RFX3: variants seen among roughly 807,000 people sequenced by gnomAD.
RFX3 encodes the protein regulatory factor X3.
Under a neutral mutation model 98.6 loss-of-function variants are expected in RFX3, and 14 were observed. The observed-to-expected ratio is 0.14, with a 90% confidence interval of 0.09 to 0.22. The LOEUF (loss-of-function observed/expected upper bound fraction) is 0.22, where lower values mean the gene tolerates loss of function less well. Ranked by LOEUF, RFX3 falls within the 10% of genes least tolerant of loss-of-function variation. RFX3 has a pLI of 1.00. For missense variants in RFX3, 639 were observed against 926.9 expected, an observed-to-expected ratio of 0.69 and a Z score of 4.03; for synonymous variants, 383 against 328.4, an observed-to-expected ratio of 1.17 and a Z score of -1.80.
At chr9:3,508,893 T>C (rs956998852) in intron 1 of RFX3, among the ~76,000 whole-genome samples, 1 of 151,888 alleles carries the variant, frequency 6.6e-6, no homozygotes, top group Non-Finnish European at 1.5e-5. Context: ...TGCTCATCTT[T>C]AGCACAATAC....
intron 14 of RFX3, among the ~76,000 whole-genome samples, chr9:3,254,662 C>T (rs1202746798): frequency 1.3e-5 from 2 of 151,920 alleles, no homozygotes; most frequent in Non-Finnish European, 2.9e-5. Context: ...CTCAGCCTCC[C>T]GAGTAGCTGG....
chr9:3,392,063 A>G (rs1235780507), intron 2 of RFX3, among the ~76,000 whole-genome samples: 4 of 152,206 alleles, frequency 2.6e-5, no homozygotes, highest in Non-Finnish European at 5.9e-5. Context: ...TGACCAGCCA[A>G]AGAGGGCAAA....
chr9:3,309,367 G>T (rs753833607), intron 4 of RFX3, among the ~76,000 whole-genome samples: 1 of 152,166 alleles, frequency 6.6e-6, no homozygotes, highest in African/African-American at 2.4e-5. Flanking sequence ...CTGGGAGACA[G>T]AGACAGTGCA....
chr9:3,453,487 A>G (rs1846859276), intron 1 of RFX3: 1 of 152,046 alleles, frequency 6.6e-6, no homozygotes, highest in Non-Finnish European at 1.5e-5. Flanking sequence ...AGGCGGGTGG[A>G]TCACTTGAGG....
In RFX3 at chr9:3,292,127, T is replaced by A. The variant is rs186910009; in HGVS notation, c.731+950A>T. Among the ~76,000 whole-genome samples the A allele has an allele frequency of 2.7e-5, 4 of 146,114 alleles. No homozygotes were observed. The East Asian group carries it at 8.2e-4, about 30-fold the overall frequency. The stretch of plus-strand genomic sequence containing the variant: ...TCTTTACGAAAATACTCTGAAGTTG[T>A]GCTTTATAGCTAATTAAGGGTATAT... On this transcript the variant is annotated intron_variant, in intron 6 of 16. Transcript: ENST00000617270.
chr9:3,309,412 T>A (rs892341116), intron 4 of RFX3, among the ~76,000 whole-genome samples: 1 of 152,026 alleles, frequency 6.6e-6, no homozygotes, highest in African/African-American at 2.4e-5. Context: ...GCTGAAAACT[T>A]CCCCAATCAC....
chr9:3,362,380 C>G (rs1836563139), intron 2 of RFX3, among the ~76,000 whole-genome samples: 1 of 152,206 alleles, frequency 6.6e-6, no homozygotes, highest in Non-Finnish European at 1.5e-5. Flanking sequence ...TATAAATTCA[C>G]TCATTGCCCC....
intron 15 of RFX3, among the ~76,000 whole-genome samples, chr9:3,235,514 T>C (rs1819028620): frequency 6.6e-6 from 1 of 152,236 alleles, no homozygotes; most frequent in African/African-American, 2.4e-5. Flanking sequence ...AAACTTATTA[T>C]TTTGTCATTC....
chr9:3,316,972 C>A (rs561787379), intron 4 of RFX3, among the ~76,000 whole-genome samples: 15 of 152,212 alleles, frequency 9.9e-5, no homozygotes, highest in African/African-American at 3.1e-4. Flanking sequence ...CAATGCCATC[C>A]CCATCAAACT....
intron 2 of RFX3, among the ~76,000 whole-genome samples, chr9:3,354,935 G>A (rs1301024492): frequency 6.6e-6 from 1 of 151,820 alleles, no homozygotes; most frequent in Non-Finnish European, 1.5e-5. Context: ...TACAACATAT[G>A]TAGAAGTGAA....
chr9:3,291,303 C>G (rs1165018883), intron 6 of RFX3, among the ~76,000 whole-genome samples: 1 of 152,038 alleles, frequency 6.6e-6, no homozygotes, highest in Non-Finnish European at 1.5e-5. Flanking sequence ...ACCCGGGGGG[C>G]AGAGGTTGCA....
At chr9:3,281,019 T>C (rs1001614471) in intron 7 of RFX3, among the ~76,000 whole-genome samples, 3 of 151,842 alleles carry the variant, frequency 2.0e-5, no homozygotes, top group African/African-American at 7.2e-5. Flanking sequence ...TGCTTGATTT[T>C]ATCATATCAT....
chr9:3,437,021 C>A (rs926359838), intron 1 of RFX3, among the ~76,000 whole-genome samples: 2 of 152,058 alleles, frequency 1.3e-5, no homozygotes, highest in African/African-American at 4.8e-5. Context: ...AAAATCCTAG[C>A]AGTTTTCTTT....
intron 2 of RFX3, among the ~76,000 whole-genome samples, chr9:3,374,063 G>C (rs1838164808): frequency 6.6e-6 from 1 of 150,972 alleles, no homozygotes; most frequent in South Asian, 2.1e-4. Flanking sequence ...GGGCGACAGA[G>C]TGAGACTCTG....
In RFX3 at chr9:3,222,911, T is replaced by C. The variant is rs1817416039; in HGVS notation, c.*2131A>G. ...ATTTGGATCAGTTTTTAAAATTACA[T>C]CTAAAATATTTAAATTTTACTTAAG... On this transcript the variant is annotated 3_prime_UTR_variant, in exon 17 of 17. Coordinates refer to ENST00000617270, the MANE Select transcript of RFX3 (RefSeq NM_001282116.2). 3 of 152,182 alleles carry C rather than the reference T, an allele frequency of 2.0e-5. No homozygotes were observed. Among genetic ancestry groups the C allele is most frequent in the East Asian group, 3.8e-4 (2 of 5,198 alleles). The allele number at this position is 152,182 out of a possible 1,614,324, so 9.4% of individuals were successfully genotyped here.
At chr9:3,313,130 A>G (rs2130526249) in intron 4 of RFX3, among the ~76,000 whole-genome samples, 1 of 152,310 alleles carries the variant, frequency 6.6e-6, no homozygotes, top group Middle Eastern at 3.4e-3. Flanking sequence ...GGGCCGACTG[A>G]CACCTCATAC....
chr9:3,221,859 CTTCCTCACTGAAA>C lies in RFX3; in HGVS notation c.*3170_*3182del, dbSNP rs1333390395. 2 of 152,158 alleles carry C rather than the reference CTTCCTCACTGAAA, an allele frequency of 1.3e-5. No homozygotes were observed. Among genetic ancestry groups the C allele is most frequent in the Non-Finnish European group, 2.9e-5 (2 of 68,008 alleles). The allele number at this position is 152,158 out of a possible 1,614,324, so 9.4% of individuals were successfully genotyped here. Reference sequence around the variant, plus strand: ...ACAGTCAACATACCTTCCTTACATTCTTCCTCACTGAAAGTGTAGGACTTGGTTTATGTAGGTA... The same window carrying C: ...ACAGTCAACATACCTTCCTTACATTCGTGTAGGACTTGGTTTATGTAGGTA... On this transcript the variant is annotated 3_prime_UTR_variant, in exon 17 of 17. Transcript: ENST00000617270.
chr9:3,507,388 A>C (rs867908903), intron 1 of RFX3, among the ~76,000 whole-genome samples: 1 of 151,970 alleles, frequency 6.6e-6, no homozygotes, highest in Non-Finnish European at 1.5e-5. Flanking sequence ...TTAAACACTC[A>C]CATGTCAGGC....
intron 1 of RFX3, among the ~76,000 whole-genome samples, chr9:3,453,007 T>C (rs1846806995): frequency 6.6e-6 from 1 of 152,188 alleles, no homozygotes; most frequent in African/African-American, 2.4e-5. Flanking sequence ...CCCTCTCTAT[T>C]TACTAGTTAT....
Sources: gnomAD v4.1 joint callset for allele counts (sites outside exome capture counted in the v4.1 genomes callset) on GRCh38, gnomAD v4.1.1 for gene constraint, MANE v1.5 for transcripts, NCBI Gene and HGNC (gene_info 2026-07-23, HGNC 2026-07-21) for gene names.